The following PCDHB8 variants were observed in gnomAD, a reference collection of about 807,000 sequenced individuals.
The protein encoded by PCDHB8 is protocadherin beta-8.
For synonymous variants in PCDHB8, 385 were observed against 448.5 expected (o/e 0.86, Z 1.79); for missense variants, 836 against 1,004.0 (o/e 0.83, Z 2.26).
rs368618358 is a variant in PCDHB8, at chr5:141,179,181, A to G, written c.1147A>G (p.Ser383Gly). ...TGATTCAGGAGAAAATGGGAAAATA[A>G]GTTGCTCCATTCAGGAGGATCTACC... ...DLDSGENGKI[S>G]CSIQEDLPFL... is the part of the protein sequence containing the mutation. The change falls in exon 1 of 1, where the codon AGT (serine) becomes GGT (glycine). Residue 383 changes from serine to glycine, a missense_variant. Coordinates refer to ENST00000239444, the MANE Select transcript of PCDHB8 (RefSeq NM_019120.5). 1 of 1,614,016 alleles carries G rather than the reference A, an allele frequency of 6.2e-7. No homozygotes were observed. The highest frequency in any genetic ancestry group is 8.5e-7 in the Non-Finnish European group (1 of 1,180,038).
At position 141,179,323 on chromosome 5, in the gene PCDHB8, C is replaced by A; in HGVS notation, c.1289C>A (p.Pro430His). Residue 430 changes from proline to histidine, a missense_variant, in exon 1 of 1, where the codon CCC becomes CAC. Transcript: ENST00000239444. ...VTITVTDLGTPRLTTHLNMTV... is the reference protein window; with the variant it reads ...VTITVTDLGTHRLTTHLNMTV... ...ATCACCGTCACTGACTTAGGGACAC[C>A]CAGGCTGACAACACATCTCAATATG... The A allele has an allele frequency of 6.2e-7, 1 of 1,614,250 alleles. No homozygotes were observed. Among genetic ancestry groups the A allele is most frequent in the Non-Finnish European group, 8.5e-7 (1 of 1,180,046 alleles).
At position 141,177,952 on chromosome 5, in the gene PCDHB8, T is replaced by C. The variant is rs1262748783; in HGVS notation, c.-83T>C. 31 of 1,601,560 alleles carry C rather than the reference T, an allele frequency of 1.9e-5. No homozygotes were observed. In the African/African-American group the frequency reaches 4.2e-4, roughly 22 times the overall value. The stretch of plus-strand genomic sequence containing the variant: ...CTCACTGGCATATTTCTGAGGTATC[T>C]GTAGAAAACCACAGCCTCAGATACT... On this transcript the variant is annotated 5_prime_UTR_variant, in exon 1 of 1. Coordinates refer to ENST00000239444, the MANE Select transcript of PCDHB8 (RefSeq NM_019120.5).
Position 141,179,619 on chromosome 5 carries a change from G to C in PCDHB8, c.1585G>C (p.Glu529Gln), listed in dbSNP as rs569991554. The change falls in exon 1 of 1, where the codon GAG (glutamate) becomes CAG (glutamine). Residue 529 changes from glutamate (E) to glutamine (Q), a missense_variant. Glu to Gln is a conservative substitution (Grantham distance 29). Transcript: ENST00000239444. The stretch of plus-strand genomic sequence containing the variant: ...GGACTACGAGGCCCTGCAGGCGTTC[G>C]AGTTCCGGGTGGGCGCTTCAGACCG... ...SLDYEALQAF[E>Q]FRVGASDRGS... 2.5e-6 allele frequency: 4 copies of C among 1,613,326 alleles called. No individual in the cohort carries two copies. The African/African-American group carries it at 4.0e-5, about 16-fold the overall frequency.
chr5:141,179,551 C>G lies in PCDHB8; in HGVS notation c.1517C>G (p.Ser506Cys), dbSNP rs1753486304. ...DPHLPLASLV[S>C]INTDNGHLFA... ...CACCTGCCCCTCGCCTCCCTGGTCT[C>G]CATCAACACAGACAACGGCCACCTG... Residue 506 changes from serine to cysteine, a missense_variant, in exon 1 of 1, where the codon TCC becomes TGC. Coordinates refer to ENST00000239444, the MANE Select transcript of PCDHB8 (RefSeq NM_019120.5). 6.2e-7 allele frequency: 1 copy of G among 1,613,838 alleles called. No individual in the cohort carries two copies.
chr5:141,180,439 A>G lies in PCDHB8; in HGVS notation c.2405A>G (p.Ter802=). The G allele has an allele frequency of 1.9e-6, 3 of 1,550,104 alleles. No individual in the cohort carries two copies. Among genetic ancestry groups the G allele is most frequent in the Non-Finnish European group, 2.6e-6 (3 of 1,145,296 alleles). The change falls in exon 1 of 1, where the codon TAA becomes TGA. Residue 802 remains the stop codon, a stop_retained_variant. Transcript: ENST00000239444. ...NGFGFSLQLK[*] ...TTTGGTTTCAGCCTTCAGTTAAAGTAATTGATTTCATATTATATATTTTAA... is the reference window on the plus strand; with the variant it reads ...TTTGGTTTCAGCCTTCAGTTAAAGTGATTGATTTCATATTATATATTTTAA...
chr5:141,179,007 G>T lies in PCDHB8; in HGVS notation c.973G>T (p.Ala325Ser). 3.7e-6 allele frequency: 6 copies of T among 1,614,226 alleles called. No homozygotes were observed. Among genetic ancestry groups the T allele is most frequent in the Non-Finnish European group, 4.2e-6 (5 of 1,180,044 alleles). Residue 325 changes from alanine to serine, a missense_variant, in exon 1 of 1, where the codon GCT becomes TCT. Ala to Ser is a moderately conservative substitution (Grantham distance 99, BLOSUM62 1). Coordinates refer to ENST00000239444, the MANE Select transcript of PCDHB8 (RefSeq NM_019120.5). ...SYEVNIEARD[A>S]GGFSGKCTVL... Reference sequence around the variant, plus strand: ...TGAAGTCAATATCGAGGCGAGAGATGCTGGAGGCTTTTCTGGAAAATGCAC... The same window carrying T: ...TGAAGTCAATATCGAGGCGAGAGATTCTGGAGGCTTTTCTGGAAAATGCAC...
At position 141,180,209 on chromosome 5, in the gene PCDHB8, C is replaced by G. The variant is rs200193000; in HGVS notation, c.2175C>G (p.Arg725=). The change falls in exon 1 of 1, where the codon CGC becomes CGG. Residue 725 remains arginine (R), a synonymous_variant. Transcript: ENST00000239444. Reference sequence around the variant, plus strand: ...GGAGCAGGGCGGCCTCGGTGGGTCGCTGCTCAGTGCCTGAGGGCCCCTTTC... The same window carrying G: ...GGAGCAGGGCGGCCTCGGTGGGTCGGTGCTCAGTGCCTGAGGGCCCCTTTC... ...CRRSRAASVG[R]CSVPEGPFPG... 22 of 1,612,822 alleles carry G rather than the reference C, an allele frequency of 1.4e-5. No homozygotes were observed. In the East Asian group the frequency reaches 4.9e-4, roughly 36 times the overall value.
At position 141,178,751 on chromosome 5, in the gene PCDHB8, T is replaced by C. The variant is rs1554281010; in HGVS notation, c.717T>C (p.Asn239=). ...TTGAAGTTGTCGATGTCAATGATAA[T>C]GCCCCTGAATTTGAGCAGCCTTTCT... is the stretch of plus-strand genomic sequence containing the variant. ...VYIEVVDVND[N]APEFEQPFYR... The change falls in exon 1 of 1, where the codon AAT becomes AAC. Residue 239 remains asparagine, a synonymous_variant. Coordinates refer to ENST00000239444, the MANE Select transcript of PCDHB8 (RefSeq NM_019120.5). The C allele has an allele frequency of 1.2e-6, 2 of 1,610,826 alleles. No individual in the cohort carries two copies. Among genetic ancestry groups the C allele is most frequent in the Non-Finnish European group, 8.5e-7 (1 of 1,177,576 alleles).
rs781808480 is a variant in PCDHB8, at chr5:141,179,540, C to T, written c.1506C>T (p.Ala502=). ...CCCAGGATCCGCACCTGCCCCTCGC[C>T]TCCCTGGTCTCCATCAACACAGACA... ...LPPQDPHLPL[A]SLVSINTDNG... Residue 502 remains alanine, a synonymous_variant, in exon 1 of 1, where the codon GCC becomes GCT. Coordinates refer to ENST00000239444, the MANE Select transcript of PCDHB8 (RefSeq NM_019120.5). 1.9e-5 allele frequency: 30 copies of T among 1,613,688 alleles called. No individual in the cohort carries two copies. The highest frequency in any genetic ancestry group is 1.1e-4 in the African/African-American group (8 of 74,928).
rs1554281747 is a variant in PCDHB8 at position 141,180,535 on chromosome 5, C to T, written c.*95C>T. 1 of 972,918 alleles carries T rather than the reference C, an allele frequency of 1.0e-6. No individual in the cohort carries two copies. The highest frequency in any genetic ancestry group is 1.5e-6 in the Non-Finnish European group (1 of 686,406). 60.3% of individuals were successfully genotyped at this position (972,918 alleles called of 1,614,324 possible). On this transcript the variant is annotated 3_prime_UTR_variant, in exon 1 of 1. Coordinates refer to ENST00000239444, the MANE Select transcript of PCDHB8 (RefSeq NM_019120.5). ...AAATTTTAAATTACACTACATTTGC[C>T]CATAGTATTTGTCTTGTTTTCACTG...
At position 141,179,868 on chromosome 5, in the gene PCDHB8, G is replaced by C. The variant is rs782552370; in HGVS notation, c.1834G>C (p.Glu612Gln). 2 of 1,609,966 alleles carry C rather than the reference G, an allele frequency of 1.2e-6. No homozygotes were observed. Among genetic ancestry groups the C allele is most frequent in the South Asian group, 1.1e-5 (1 of 90,974 alleles). Residue 612 changes from glutamate to glutamine, a missense_variant, in exon 1 of 1, where the codon GAG becomes CAG. Transcript: ENST00000239444. ...GTCGTACCAGCTGCTCAAGGCCACG[G>C]AGCCCGGGCTGTTCGGTGTGTGGGC... Reference protein sequence around the residue: ...WLSYQLLKATEPGLFGVWAHN... With the variant: ...WLSYQLLKATQPGLFGVWAHN...
In PCDHB8 at chr5:141,179,005, A is replaced by G. The variant is rs782515074; in HGVS notation, c.971A>G (p.Asp324Gly). Residue 324 changes from aspartate to glycine, a missense_variant, in exon 1 of 1, where the codon GAT becomes GGT. Asp to Gly is a moderately conservative substitution (Grantham distance 94, BLOSUM62 -1). Transcript: ENST00000239444. ...TATGAAGTCAATATCGAGGCGAGAG[A>G]TGCTGGAGGCTTTTCTGGAAAATGC... ...QSYEVNIEAR[D>G]AGGFSGKCTV... is the part of the protein sequence containing the mutation. The G allele has an allele frequency of 1.2e-6, 2 of 1,614,124 alleles. No homozygotes were observed. Among genetic ancestry groups the G allele is most frequent in the South Asian group, 2.2e-5 (2 of 91,090 alleles).
rs1753469003 is a variant in PCDHB8, at chr5:141,179,225, T to C, written c.1191T>C (p.Ser397=). 1.2e-6 allele frequency: 2 copies of C among 1,614,228 alleles called. No individual in the cohort carries two copies. The highest frequency in any genetic ancestry group is 1.7e-6 in the Non-Finnish European group (2 of 1,180,046). ...ATCTACCCTTCCTCCTGAAATCTTC[T>C]GTGGGGAACTTTTACACCCTACTAA... ...QEDLPFLLKS[S]VGNFYTLLTE... Residue 397 remains serine (S), a synonymous_variant, in exon 1 of 1, where the codon TCT becomes TCC. Coordinates refer to ENST00000239444, the MANE Select transcript of PCDHB8 (RefSeq NM_019120.5).
chr5:141,180,458 A>G lies in PCDHB8; in HGVS notation c.*18A>G, dbSNP rs782783203. 18 of 1,455,796 alleles carry G rather than the reference A, an allele frequency of 1.2e-5. No homozygotes were observed. Among genetic ancestry groups the G allele is most frequent in the Admixed American group, 4.7e-5 (2 of 42,542 alleles). 90.2% of individuals were successfully genotyped at this position (1,455,796 alleles called of 1,614,324 possible). A position where few individuals can be genotyped will look rare whatever the true frequency, so the allele number is the denominator to read the frequency against. On this transcript the variant is annotated 3_prime_UTR_variant, in exon 1 of 1. Transcript: ENST00000239444. ...TAAAGTAATTGATTTCATATTATAT[A>G]TTTTAATTTTTATGATCAATTCAAA...
rs781808480 is a variant in PCDHB8, at chr5:141,179,540, C to A, written c.1506C>A (p.Ala502=). Residue 502 remains alanine (A), a synonymous_variant, in exon 1 of 1, where the codon GCC becomes GCA. Transcript: ENST00000239444. ...LPPQDPHLPL[A]SLVSINTDNG... is the part of the protein sequence containing the mutation. ...CCCAGGATCCGCACCTGCCCCTCGC[C>A]TCCCTGGTCTCCATCAACACAGACA... 14 of 1,613,806 alleles carry A rather than the reference C, an allele frequency of 8.7e-6. No homozygotes were observed. Among genetic ancestry groups the A allele is most frequent in the Middle Eastern group, 1.7e-4 (1 of 5,750 alleles).
rs1554281369 is a variant in PCDHB8, at chr5:141,179,748, C to A, written c.1714C>A (p.Pro572Thr). The A allele has an allele frequency of 1.6e-5, 26 of 1,611,396 alleles. No homozygotes were observed. The highest frequency in any genetic ancestry group is 1.9e-5 in the Non-Finnish European group (23 of 1,179,516). The part of the protein sequence containing the change: ...VLYPLQNGSA[P>T]CTELVPRAAE... ...GTACCCGCTGCAGAATGGCTCCGCG[C>A]CCTGCACCGAGCTGGTGCCCCGGGC... Residue 572 changes from proline (P) to threonine (T), a missense_variant, in exon 1 of 1, where the codon CCC becomes ACC. By Grantham distance (38) the Pro-to-Thr change is conservative. Transcript: ENST00000239444.
At position 141,179,980 on chromosome 5, in the gene PCDHB8, G is replaced by A; in HGVS notation, c.1946G>A (p.Gly649Asp). 5 of 1,608,640 alleles carry A rather than the reference G, an allele frequency of 3.1e-6. No homozygotes were observed. Among genetic ancestry groups the A allele is most frequent in the Non-Finnish European group, 4.2e-6 (5 of 1,179,694 alleles). Residue 649 changes from glycine (G) to aspartate (D), a missense_variant, in exon 1 of 1, where the codon GGC becomes GAC. Gly to Asp is a moderately conservative substitution (Grantham distance 94). Coordinates refer to ENST00000239444, the MANE Select transcript of PCDHB8 (RefSeq NM_019120.5). ...CTGGTGGTGCTGGTCAAGGACAATG[G>A]CGAGCCTCCGTGCTCGGCCACCGCC... ...QRLVVLVKDN[G>D]EPPCSATATL... is the part of the protein sequence containing the mutation.
Position 141,180,503 on chromosome 5 carries a change from T to C in PCDHB8, c.*63T>C. The stretch of plus-strand genomic sequence containing the variant: ...TTCAAAGGAATGGTTTTCTGTCAAC[T>C]TAGCATAAATTTTAAATTACACTAC... On this transcript the variant is annotated 3_prime_UTR_variant, in exon 1 of 1. Coordinates refer to ENST00000239444, the MANE Select transcript of PCDHB8 (RefSeq NM_019120.5). 1 of 1,245,638 alleles carries C rather than the reference T, an allele frequency of 8.0e-7. No homozygotes were observed. Among genetic ancestry groups the C allele is most frequent in the Non-Finnish European group, 1.1e-6 (1 of 929,436 alleles). 77.2% of individuals were successfully genotyped at this position (1,245,638 alleles called of 1,614,324 possible).
Position 141,180,509 on chromosome 5 carries a change from T to G in PCDHB8, c.*69T>G. 2.6e-6 allele frequency: 3 copies of G among 1,174,224 alleles called. No homozygotes were observed. Among genetic ancestry groups the G allele is most frequent in the Non-Finnish European group, 3.5e-6 (3 of 864,868 alleles). 72.7% of individuals were successfully genotyped at this position (1,174,224 alleles called of 1,614,324 possible). On this transcript the variant is annotated 3_prime_UTR_variant, in exon 1 of 1. Transcript: ENST00000239444. ...GGAATGGTTTTCTGTCAACTTAGCA[T>G]AAATTTTAAATTACACTACATTTGC... is the stretch of plus-strand genomic sequence containing the variant.
Sources: allele counts gnomAD v4.1 joint callset, GRCh38; gene constraint gnomAD v4.1.1; transcripts MANE v1.5; gene names NCBI Gene and HGNC (gene_info 2026-07-23, HGNC 2026-07-21).